TRMT61A: variants seen among roughly 807,000 people sequenced by gnomAD.
TRMT61A encodes the protein tRNA methyltransferase 61A.
Under a neutral mutation model 21.3 loss-of-function variants are expected in TRMT61A, and 15 were observed. The ratio of observed to expected loss-of-function variants is 0.70; its 90% CI spans 0.47 to 1.08. TRMT61A has a LOEUF of 1.08. Ranked by LOEUF, TRMT61A falls within the 50% of genes least tolerant of loss-of-function variation. The probability of loss-of-function intolerance (pLI) is 0.00; values close to 1 mark genes in which losing one functional copy is unlikely to be tolerated. For missense variants in TRMT61A, 352 were observed against 426.7 expected, an observed-to-expected ratio of 0.83 and a Z score of 1.54; for synonymous variants, 183 against 185.5, an observed-to-expected ratio of 0.99 and a Z score of 0.11.
rs1423630392 is a variant in TRMT61A, at chr14:103,529,878, A to G, written c.-29-72A>G. Reference sequence around the variant, plus strand: ...CCCACTGCTGGGATGTAGGCCTCGAAGCCTTCTACCTAGACCCTAGGCCCT... The same window carrying G: ...CCCACTGCTGGGATGTAGGCCTCGAGGCCTTCTACCTAGACCCTAGGCCCT... On this transcript the variant is annotated intron_variant, in intron 1 of 3. Transcript: ENST00000389749. The G allele has an allele frequency of 2.3e-5, 27 of 1,191,126 alleles. No individual in the cohort carries two copies. In the Admixed American group the frequency reaches 6.2e-4, roughly 27 times the overall value. The allele number at this position is 1,191,126 out of a possible 1,614,324, so 73.8% of individuals were successfully genotyped here.
In TRMT61A at chr14:103,532,684, G is replaced by A. The variant is rs373651893; in HGVS notation, c.434G>A (p.Arg145Gln). The A allele has an allele frequency of 2.6e-5, 42 of 1,613,216 alleles. No homozygotes were observed. The highest frequency in any genetic ancestry group is 5.0e-5 in the Admixed American group (3 of 60,002). ...CACCAGCAGCGGGCAGAGAAGGCCC[G>A]GGAGGAGTTCCAGGAGCACCGTGTG... ...EFHQQRAEKA[R>Q]EEFQEHRVGR... Residue 145 changes from arginine (R) to glutamine (Q), a missense_variant, in exon 3 of 4, where the codon CGG becomes CAG. Transcript: ENST00000389749.
chr14:103,535,694 G>A lies in TRMT61A; in HGVS notation c.*873G>A, dbSNP rs920584200. ...GGTCCCTCCACAGTGACAACGGTGT[G>A]GGGTAGGGGAGGTGCATTCAGGACA... is the stretch of plus-strand genomic sequence containing the variant. On this transcript the variant is annotated 3_prime_UTR_variant, in exon 4 of 4. Transcript: ENST00000389749. The A allele has an allele frequency of 7.3e-6, 2 of 272,124 alleles. No homozygotes were observed. Among genetic ancestry groups the A allele is most frequent in the Admixed American group, 9.9e-5 (2 of 20,242 alleles). The allele number at this position is 272,124 out of a possible 1,614,324, so 16.9% of individuals were successfully genotyped here. A position where few individuals can be genotyped will look rare whatever the true frequency, so the allele number is the denominator to read the frequency against.
chr14:103,534,514 C>A lies in TRMT61A; in HGVS notation c.599-36C>A, dbSNP rs778660527. On this transcript the variant is annotated intron_variant, in intron 3 of 3. Transcript: ENST00000389749. The stretch of plus-strand genomic sequence containing the variant: ...GGCCAGACGGGCCAGGCTCTGCCAC[C>A]CCTGCCCTCTGACCCTCGGGTCCTG... 24 of 1,530,160 alleles carry A rather than the reference C, an allele frequency of 1.6e-5. No homozygotes were observed. In the Admixed American group the frequency reaches 3.8e-4, roughly 24 times the overall value. 94.8% of individuals were successfully genotyped at this position (1,530,160 alleles called of 1,614,324 possible).
intron 3 of TRMT61A, among the ~76,000 whole-genome samples, chr14:103,533,467 C>T (rs2075961927): frequency 2.0e-5 from 3 of 152,214 alleles, no homozygotes; most frequent in African/African-American, 7.2e-5. Context: ...GGCCGGGGGT[C>T]CCCTGCTGGC....
At chr14:103,529,286 G>A in intron 1 of TRMT61A, 25 bp downstream of exon 1, 1 of 276,498 alleles carries the variant, frequency 3.6e-6, no homozygotes, top group South Asian at 2.6e-5. Flanking sequence ...GGTACAGGGT[G>A]GCAGGGCGCG....
At chr14:103,530,543 C>T (rs967559887) in intron 2 of TRMT61A, among the ~76,000 whole-genome samples, 2 of 152,210 alleles carry the variant, frequency 1.3e-5, no homozygotes, top group Non-Finnish European at 2.9e-5. Flanking sequence ...CTGGGGAGGA[C>T]TGGTGCTCTA....
rs2142242651 is a variant in TRMT61A, at chr14:103,535,990, T to C, written c.*1169T>C. On this transcript the variant is annotated 3_prime_UTR_variant, in exon 4 of 4. Transcript: ENST00000389749. ...GTGCTGGGGGCCTTGAGTGCTATGCTAGCAGGGGCCTGGCCCCAAGTGTGA... is the reference window on the plus strand; with the variant it reads ...GTGCTGGGGGCCTTGAGTGCTATGCCAGCAGGGGCCTGGCCCCAAGTGTGA... 6.5e-6 allele frequency: 1 copy of C among 152,962 alleles called. No homozygotes were observed. Among genetic ancestry groups the C allele is most frequent in the African/African-American group, 2.4e-5 (1 of 41,542 alleles). 9.5% of individuals were successfully genotyped at this position (152,962 alleles called of 1,614,324 possible). A position where few individuals can be genotyped will look rare whatever the true frequency, so the allele number is the denominator to read the frequency against.
chr14:103,534,588 G>T lies in TRMT61A; in HGVS notation c.637G>T (p.Val213Leu). The T allele has an allele frequency of 6.3e-7, 1 of 1,595,278 alleles. No individual in the cohort carries two copies. Among genetic ancestry groups the T allele is most frequent in the Non-Finnish European group, 8.6e-7 (1 of 1,168,252 alleles). The change falls in exon 4 of 4, where the codon GTG becomes TTG. Residue 213 changes from valine (V) to leucine (L), a missense_variant. Val to Leu is a conservative substitution (Grantham distance 32, BLOSUM62 1). Coordinates refer to ENST00000389749, the MANE Select transcript of TRMT61A (RefSeq NM_152307.3). The stretch of plus-strand genomic sequence containing the variant: ...CTCCTTCTCACCGTGCATCGAGCAG[G>T]TGCAACGCACATGCCAGGCGCTGGC... ...FCSFSPCIEQ[V>L]QRTCQALAAR...
At position 103,535,541 on chromosome 14, in the gene TRMT61A, C is replaced by T. The variant is rs947808149; in HGVS notation, c.*720C>T. 7 of 333,352 alleles carry T rather than the reference C, an allele frequency of 2.1e-5. No individual in the cohort carries two copies. Among genetic ancestry groups the T allele is most frequent in the Admixed American group, 1.2e-4 (3 of 24,074 alleles). The allele number at this position is 333,352 out of a possible 1,614,324, so 20.6% of individuals were successfully genotyped here. A position where few individuals can be genotyped will look rare whatever the true frequency, so the allele number is the denominator to read the frequency against. On this transcript the variant is annotated 3_prime_UTR_variant, in exon 4 of 4. Coordinates refer to ENST00000389749, the MANE Select transcript of TRMT61A (RefSeq NM_152307.3). ...GGCCAGGCAGCGCTGCGGAGAGGAG[C>T]GGCAGAGTGGGTTGTCTGCCGCAGG...
At position 103,530,357 on chromosome 14, in the gene TRMT61A, G is replaced by C. The variant is rs749690332; in HGVS notation, c.331+48G>C. 1.1e-5 allele frequency: 17 copies of C among 1,513,820 alleles called. No individual in the cohort carries two copies. The East Asian group carries it at 3.9e-4, about 35-fold the overall frequency. 93.8% of individuals were successfully genotyped at this position (1,513,820 alleles called of 1,614,324 possible). On this transcript the variant is annotated intron_variant, in intron 2 of 3. Coordinates refer to ENST00000389749, the MANE Select transcript of TRMT61A (RefSeq NM_152307.3). ...GTTTAACGCAGAAATTGACACAAAG[G>C]TGGAGGTCAGAGCCTCCAGCCTGCC...
In TRMT61A at chr14:103,535,145, G is replaced by A; in HGVS notation, c.*324G>A. 1.7e-6 allele frequency: 1 copy of A among 595,102 alleles called. No homozygotes were observed. The highest frequency in any genetic ancestry group is 2.1e-5 in the Admixed American group (1 of 46,516). 36.9% of individuals were successfully genotyped at this position (595,102 alleles called of 1,614,324 possible). A position where few individuals can be genotyped will look rare whatever the true frequency, so the allele number is the denominator to read the frequency against. On this transcript the variant is annotated 3_prime_UTR_variant, in exon 4 of 4. Transcript: ENST00000389749. Reference sequence around the variant, plus strand: ...GTGGGGGAGTCTGACCCCCTCCCAGGTGGGCCTAAGCAGGAAGGGGGTGGA... The same window carrying A: ...GTGGGGGAGTCTGACCCCCTCCCAGATGGGCCTAAGCAGGAAGGGGGTGGA...
chr14:103,534,994 G>T lies in TRMT61A; in HGVS notation c.*173G>T. 1.2e-6 allele frequency: 1 copy of T among 819,780 alleles called. No individual in the cohort carries two copies. The highest frequency in any genetic ancestry group is 1.4e-5 in the South Asian group (1 of 69,130). 50.8% of individuals were successfully genotyped at this position (819,780 alleles called of 1,614,324 possible). On this transcript the variant is annotated 3_prime_UTR_variant, in exon 4 of 4. Coordinates refer to ENST00000389749, the MANE Select transcript of TRMT61A (RefSeq NM_152307.3). The stretch of plus-strand genomic sequence containing the variant: ...CAGGAAGGGCGGCTGTGATGGAGGA[G>T]CAGTGCTGGGGCTGGGCCTCAGCCA...
chr14:103,532,995 G>A, intron 3 of TRMT61A, 147 bp downstream of exon 3: 2 of 1,149,596 alleles, frequency 1.7e-6, no homozygotes, highest in Non-Finnish European at 2.4e-6. Context: ...CCTGAGGTGA[G>A]GAGTGGGTCA....
chr14:103,532,819 G>A lies in TRMT61A; in HGVS notation c.569G>A (p.Gly190Asp). 6.4e-7 allele frequency: 1 copy of A among 1,562,964 alleles called. No individual in the cohort carries two copies. Reference sequence around the variant, plus strand: ...ATCCCATCACCCTGGGAGGCCGTGGGCCACGCCTGGGACGCCCTCAAGGTC... The same window carrying A: ...ATCCCATCACCCTGGGAGGCCGTGGACCACGCCTGGGACGCCCTCAAGGTC... The part of the protein sequence containing the change: ...LDIPSPWEAV[G>D]HAWDALKVEG... Residue 190 changes from glycine to aspartate, a missense_variant, in exon 3 of 4, where the codon GGC becomes GAC. Gly to Asp is a moderately conservative substitution (Grantham distance 94, BLOSUM62 -1). Coordinates refer to ENST00000389749, the MANE Select transcript of TRMT61A (RefSeq NM_152307.3).
intron 2 of TRMT61A, 140 bp downstream of exon 2, chr14:103,530,449 G>C: frequency 1.3e-6 from 1 of 791,524 alleles, no homozygotes; most frequent in Non-Finnish European, 2.0e-6. Flanking sequence ...TGACAGCAGG[G>C]AGTGAAGGTG....
intron 2 of TRMT61A, among the ~76,000 whole-genome samples, chr14:103,532,072 G>A (rs1394006880): frequency 1.3e-5 from 2 of 151,978 alleles, no homozygotes; most frequent in Non-Finnish European, 2.9e-5. Context: ...GGGCAGGCTT[G>A]GTGGGGGTGG....
rs757345589 is a variant in TRMT61A at position 103,535,280 on chromosome 14, G to A, written c.*459G>A. 2.0e-5 allele frequency: 9 copies of A among 452,750 alleles called. No homozygotes were observed. Among genetic ancestry groups the A allele is most frequent in the South Asian group, 7.8e-5 (5 of 63,732 alleles). The allele number at this position is 452,750 out of a possible 1,614,324, so 28.0% of individuals were successfully genotyped here. A position where few individuals can be genotyped will look rare whatever the true frequency, so the allele number is the denominator to read the frequency against. ...ACCATCTCGTGCTTCTCCAGTCCCC[G>A]GGCCGAGGCTCCAGCCTTGGCCAGA... On this transcript the variant is annotated 3_prime_UTR_variant, in exon 4 of 4. Transcript: ENST00000389749.
Position 103,536,705 on chromosome 14 carries a change from GTTTC to G in TRMT61A, c.*1888_*1891del. The G allele has an allele frequency of 6.6e-6, 1 of 152,412 alleles. No individual in the cohort carries two copies. Among genetic ancestry groups the G allele is most frequent in the South Asian group, 2.1e-4 (1 of 4,834 alleles). 9.4% of individuals were successfully genotyped at this position (152,412 alleles called of 1,614,324 possible). A position where few individuals can be genotyped will look rare whatever the true frequency, so the allele number is the denominator to read the frequency against. On this transcript the variant is annotated 3_prime_UTR_variant, in exon 4 of 4. Transcript: ENST00000389749. ...GTCTGATGGGTGGACACCGGGAGGT[GTTTC>G]TTTGAGGCGCAGCTCCATGGTTTAT... is the stretch of plus-strand genomic sequence containing the variant.
At position 103,529,875 on chromosome 14, in the gene TRMT61A, C is replaced by T. The variant is rs976903294; in HGVS notation, c.-29-75C>T. 2 of 1,171,212 alleles carry T rather than the reference C, an allele frequency of 1.7e-6. 1 individual carries two copies. Among genetic ancestry groups the T allele is most frequent in the South Asian group, 3.1e-5 (2 of 65,274 alleles). The allele number at this position is 1,171,212 out of a possible 1,614,324, so 72.6% of individuals were successfully genotyped here. ...ATGCCCACTGCTGGGATGTAGGCCT[C>T]GAAGCCTTCTACCTAGACCCTAGGC... On this transcript the variant is annotated intron_variant, in intron 1 of 3. Coordinates refer to ENST00000389749, the MANE Select transcript of TRMT61A (RefSeq NM_152307.3).
Sources: gnomAD v4.1 joint callset for allele counts (sites outside exome capture counted in the v4.1 genomes callset) on GRCh38, gnomAD v4.1.1 for gene constraint, MANE v1.5 for transcripts, NCBI Gene and HGNC (gene_info 2026-07-23, HGNC 2026-07-21) for gene names.